The following PEAK1 variants were observed in gnomAD, a reference collection of about 807,000 sequenced individuals.
PEAK1 encodes inactive tyrosine-protein kinase PEAK1.
PEAK1 carries 54 observed loss-of-function variants against 124.7 expected under a neutral mutation model. The ratio of observed to expected loss-of-function variants is 0.43; its 90% CI spans 0.35 to 0.54. The LOEUF (loss-of-function observed/expected upper bound fraction) is 0.54. Among genes scored for constraint, PEAK1 ranks in the 20% least tolerant of loss-of-function variants. The pLI is 0.01. For synonymous variants in PEAK1, 719 were observed against 760.0 expected, an observed-to-expected ratio of 0.95 and a Z score of 0.89; for missense variants, 2,046 against 2,134.5, an observed-to-expected ratio of 0.96 and a Z score of 0.82.
At chr15:77,161,965 CA>C (rs33972250) in intron 7 of PEAK1, among the ~76,000 whole-genome samples, 96 of 84,488 alleles carry the variant, frequency 1.1e-3, no homozygotes, top group Middle Eastern at 6.7e-3. Context: ...GACTCTGTCT[CA>C]AAAAAAAAAA....
At chr15:77,313,686 GTGTGTGTA>G (rs2064653132) in intron 2 of PEAK1, among the ~76,000 whole-genome samples, 7 of 120,904 alleles carry the variant, frequency 5.8e-5, no homozygotes, top group South Asian at 2.4e-4. Flanking sequence ...GTGTGTGTGT[GTGTGTGTA>G]TATATATATA....
intron 5 of PEAK1, among the ~76,000 whole-genome samples, chr15:77,266,858 T>C (rs2061762840): frequency 6.6e-6 from 1 of 152,112 alleles, no homozygotes; most frequent in African/African-American, 2.4e-5. Context: ...GGATTGCTGC[T>C]GTAGGCTCTG....
At chr15:77,364,495 T>G (rs1278549151) in intron 2 of PEAK1, among the ~76,000 whole-genome samples, 1 of 152,086 alleles carries the variant, frequency 6.6e-6, no homozygotes. Flanking sequence ...AATAATCTGT[T>G]GACAATGATA....
intron 1 of PEAK1, among the ~76,000 whole-genome samples, chr15:77,385,342 T>C: frequency 6.6e-6 from 1 of 152,188 alleles, no homozygotes; most frequent in Admixed American, 6.5e-5. Flanking sequence ...AGAAGACAAT[T>C]GTTTTATTTT....
chr15:77,307,891 C>G (rs1324620792), intron 2 of PEAK1, among the ~76,000 whole-genome samples: 1 of 151,936 alleles, frequency 6.6e-6, no homozygotes, highest in Non-Finnish European at 1.5e-5. Context: ...GAGGAAGACT[C>G]AGTGGGAAGG....
intron 2 of PEAK1, among the ~76,000 whole-genome samples, chr15:77,307,995 C>T (rs1242101355): frequency 6.6e-6 from 1 of 152,054 alleles, no homozygotes; most frequent in Non-Finnish European, 1.5e-5. Context: ...TATTTAGTTA[C>T]AGGCTTCATA....
intron 8 of PEAK1, among the ~76,000 whole-genome samples, chr15:77,153,576 T>A (rs2054852183): frequency 6.6e-6 from 1 of 152,226 alleles, no homozygotes; most frequent in Non-Finnish European, 1.5e-5. Context: ...ATTGTGATGT[T>A]AGGGTGTCAA....
rs2056251242 is a variant in PEAK1 at position 77,168,227 on chromosome 15, ATGTGCGCGCG to A, written c.3138-9541_3138-9532del. On this transcript the variant is annotated intron_variant, in intron 7 of 9. Transcript: ENST00000682557. ...ATGCCATATGTACATGCACATATGC[ATGTGCGCGCG>A]CACACACACACACACACACACACAC... Among the ~76,000 whole-genome samples, 3 of 105,438 alleles carry A rather than the reference ATGTGCGCGCG, an allele frequency of 2.8e-5. No homozygotes were observed. The Admixed American group carries it at 3.5e-4, about 12-fold the overall frequency. 69.2% of individuals were successfully genotyped at this position (105,438 alleles called of 152,430 possible).
At chr15:77,278,724 G>C (rs543132131) in intron 5 of PEAK1, 2 of 503,270 alleles carry the variant, frequency 4.0e-6, no homozygotes, top group East Asian at 1.1e-4. Flanking sequence ...GAGGGTGCTG[G>C]AGATGCCAAG....
At chr15:77,313,524 T>G (rs892059180) in intron 2 of PEAK1, among the ~76,000 whole-genome samples, 8 of 151,768 alleles carry the variant, frequency 5.3e-5, no homozygotes, top group Non-Finnish European at 1.0e-4. Flanking sequence ...TGGAGTGCAA[T>G]GGCGCGAACT....
At chr15:77,253,253 G>T (rs1280358760) in intron 5 of PEAK1, among the ~76,000 whole-genome samples, 2 of 149,298 alleles carry the variant, frequency 1.3e-5, no homozygotes, top group African/African-American at 4.9e-5. Flanking sequence ...GTTGGGGGGG[G>T]GGTGGTCCTG....
At chr15:77,225,696 A>ATATATATC (rs2059612721) in intron 6 of PEAK1, among the ~76,000 whole-genome samples, 1 of 139,022 alleles carries the variant, frequency 7.2e-6, no homozygotes, top group Non-Finnish European at 1.6e-5. Flanking sequence ...ATATATATAT[A>ATATATATC]TGACAATTCT....
intron 4 of PEAK1, among the ~76,000 whole-genome samples, chr15:77,284,642 T>C (rs1416669415): frequency 1.3e-5 from 2 of 152,154 alleles, no homozygotes; most frequent in Non-Finnish European, 2.9e-5. Flanking sequence ...AAATATTATT[T>C]TGGTGAGGCG....
intron 2 of PEAK1, among the ~76,000 whole-genome samples, chr15:77,325,327 T>C (rs1567262009): frequency 6.6e-6 from 1 of 152,004 alleles, no homozygotes; most frequent in Non-Finnish European, 1.5e-5. Context: ...GGAGGACAGC[T>C]TGAGCCTGAG....
At chr15:77,264,736 C>T (rs888997448) in intron 5 of PEAK1, among the ~76,000 whole-genome samples, 6 of 151,978 alleles carry the variant, frequency 3.9e-5, no homozygotes, top group African/African-American at 1.2e-4. Flanking sequence ...ACTTTCTTCA[C>T]AGAATTGGAA....
intron 1 of PEAK1, chr15:77,417,984 G>T: frequency 1.0e-6 from 1 of 969,654 alleles, no homozygotes; most frequent in Non-Finnish European, 1.2e-6. Context: ...GTTTATATGA[G>T]TACACGTATA....
chr15:77,250,645 G>C (rs1056170718), intron 6 of PEAK1, among the ~76,000 whole-genome samples: 20 of 152,158 alleles, frequency 1.3e-4, no homozygotes, highest in Non-Finnish European at 2.6e-4. Flanking sequence ...ATGTTAGCCA[G>C]GATGGTCTCC....
chr15:77,413,428 A>G (rs2072577581), intron 1 of PEAK1, among the ~76,000 whole-genome samples: 1 of 152,206 alleles, frequency 6.6e-6, no homozygotes, highest in African/African-American at 2.4e-5. Flanking sequence ...ATTATTTGAT[A>G]TCATGCACCT....
intron 6 of PEAK1, among the ~76,000 whole-genome samples, chr15:77,200,307 T>A (rs1436798087): frequency 1.3e-5 from 2 of 152,310 alleles, no homozygotes; most frequent in South Asian, 2.1e-4. Context: ...GAATACAAAA[T>A]AAGTGTTAAT....
Sources: gnomAD v4.1 joint callset for allele counts (sites outside exome capture counted in the v4.1 genomes callset) on GRCh38, gnomAD v4.1.1 for gene constraint, MANE v1.5 for transcripts, NCBI Gene and HGNC (gene_info 2026-07-23, HGNC 2026-07-21) for gene names.